The following DOCK1 variants were observed in gnomAD, a reference collection of about 807,000 sequenced individuals.
DOCK1 encodes the protein dedicator of cytokinesis 1.
A neutral mutation model predicts 262.7 loss-of-function variants in DOCK1; 138 were observed. The ratio of observed to expected loss-of-function variants is 0.53; its 90% confidence interval spans 0.46 to 0.61. The LOEUF (loss-of-function observed/expected upper bound fraction) is 0.61, where lower values mean the gene tolerates loss of function less well. Ranked by LOEUF, DOCK1 falls within the 20% of genes least tolerant of loss-of-function variation. The pLI is 0.00. For missense variants in DOCK1, 1,908 were observed against 2,370.7 expected, an observed-to-expected ratio of 0.80 and a Z score of 4.05; for synonymous variants, 866 against 867.4, an observed-to-expected ratio of 1.00 and a Z score of 0.03.
chr10:127,261,637 G>GGGTGTGTGTA, intron 29 of DOCK1, among the ~76,000 whole-genome samples: 1 of 85,604 alleles, frequency 1.2e-5, no homozygotes, highest in Non-Finnish European at 2.4e-5. Context: ...GTGTGCATGT[G>GGGTGTGTGTA]TACCTGCATG....
At chr10:127,411,994 G>A (rs1476272563) in intron 43 of DOCK1, among the ~76,000 whole-genome samples, 3 of 151,012 alleles carry the variant, frequency 2.0e-5, no homozygotes, top group African/African-American at 4.9e-5. Flanking sequence ...ACAGAGCCTC[G>A]CTCTGTCGCC....
intron 29 of DOCK1, among the ~76,000 whole-genome samples, chr10:127,261,220 CATGTGGGTGT>C (rs2060074949): frequency 2.5e-5 from 1 of 39,736 alleles, no homozygotes; most frequent in African/African-American, 9.6e-5. Context: ...CATGTGTGTG[CATGTGGGTGT>C]GCGTGTGTGT....
chr10:127,349,444 C>G (rs964942304), intron 31 of DOCK1, among the ~76,000 whole-genome samples: 1 of 152,178 alleles, frequency 6.6e-6, no homozygotes, highest in African/African-American at 2.4e-5. Flanking sequence ...ATTCCTACCC[C>G]TGCACCCCAG....
intron 1 of DOCK1, among the ~76,000 whole-genome samples, chr10:126,941,552 C>G (rs978424369): frequency 0.011 from 1,659 of 152,234 alleles, 13 homozygotes; most frequent in Non-Finnish European, 0.013. Flanking sequence ...GTCAGGAGAT[C>G]GAGACCATCC....
At chr10:126,956,272 C>T (rs978764693) in intron 1 of DOCK1, among the ~76,000 whole-genome samples, 31 of 152,320 alleles carry the variant, frequency 2.0e-4, no homozygotes, top group Admixed American at 1.2e-3. Context: ...AGCTCTGCCC[C>T]GTTGGGACTT....
chr10:127,236,115 TTTTGA>T (rs1238006803), intron 27 of DOCK1, among the ~76,000 whole-genome samples: 2 of 152,216 alleles, frequency 1.3e-5, no homozygotes, highest in African/African-American at 2.4e-5. Context: ...AAATTTTTAA[TTTTGA>T]TTTAAGTTCA....
At chr10:127,306,480 A>G (rs1370173006) in intron 29 of DOCK1, among the ~76,000 whole-genome samples, 1 of 152,122 alleles carries the variant, frequency 6.6e-6, no homozygotes, top group Non-Finnish European at 1.5e-5. Context: ...TCCTGCATTT[A>G]GGAGCAGTGA....
In DOCK1 at chr10:127,147,541, A is replaced by G. The variant is rs555323035; in HGVS notation, c.2847+19777A>G. 1.4e-4 allele frequency among the ~76,000 whole-genome samples: 22 copies of G among 151,808 alleles called. No individual in the cohort carries two copies. The East Asian group carries it at 4.1e-3, about 28-fold the overall frequency. ...TCTCTCTCGCCAGAGCTCTGTCCTT[A>G]CCCTCATCCCGGGGTCCCAGGGTAA... On this transcript the variant is annotated intron_variant, in intron 27 of 51. Coordinates refer to ENST00000623213, the MANE Select transcript of DOCK1 (RefSeq NM_001290223.2).
intron 35 of DOCK1, among the ~76,000 whole-genome samples, chr10:127,378,483 A>G (rs1565041073): frequency 6.6e-6 from 1 of 152,162 alleles, no homozygotes; most frequent in Non-Finnish European, 1.5e-5. Context: ...TTACGTAAGA[A>G]ACACAAAGGT....
intron 29 of DOCK1, among the ~76,000 whole-genome samples, chr10:127,331,533 T>C (rs982437456): frequency 2.0e-5 from 3 of 152,154 alleles, no homozygotes; most frequent in African/African-American, 7.2e-5. Context: ...CCACCCACCT[T>C]GGCCTCCCAA....
intron 25 of DOCK1, among the ~76,000 whole-genome samples, chr10:127,118,729 C>T (rs1007081114): frequency 5.9e-5 from 9 of 152,216 alleles, no homozygotes; most frequent in African/African-American, 2.2e-4. Context: ...CAGCCCTCTG[C>T]CCAGTGGCCC....
chr10:127,377,882 ACT>A (rs1206039900), intron 35 of DOCK1, among the ~76,000 whole-genome samples: 1 of 129,950 alleles, frequency 7.7e-6, no homozygotes, highest in Non-Finnish European at 1.6e-5. Context: ...ACAGAGGTAG[ACT>A]CTGTCTCAAA....
At chr10:127,062,601 C>T (rs879692981) in intron 23 of DOCK1, among the ~76,000 whole-genome samples, 1 of 152,208 alleles carries the variant, frequency 6.6e-6, no homozygotes, top group Non-Finnish European at 1.5e-5. Flanking sequence ...GGGAAAGGCC[C>T]CGGAGCCTCT....
chr10:126,934,143 T>G (rs1056717272), intron 1 of DOCK1, among the ~76,000 whole-genome samples: 41 of 152,334 alleles, frequency 2.7e-4, no homozygotes, highest in South Asian at 1.2e-3. Flanking sequence ...CTCAGATTTT[T>G]TTTTTTGAGA....
intron 1 of DOCK1, among the ~76,000 whole-genome samples, chr10:126,933,348 A>G (rs956779584): frequency 3.2e-3 from 494 of 152,270 alleles, no homozygotes; most frequent in Non-Finnish European, 5.1e-3. Context: ...GAGAAATGAT[A>G]CTGTCTGTCC....
intron 38 of DOCK1, chr10:127,402,678 C>T (rs369912180): frequency 2.2e-4 from 115 of 523,772 alleles, no homozygotes; most frequent in African/African-American, 1.9e-3. Context: ...AATGGCACCC[C>T]ACAGCCTCTC....
intron 27 of DOCK1, among the ~76,000 whole-genome samples, chr10:127,241,224 C>G (rs1400926860): frequency 2.0e-5 from 3 of 152,156 alleles, no homozygotes; most frequent in African/African-American, 7.2e-5. Flanking sequence ...GAGGCTGAGG[C>G]AGGAGAATCA....
chr10:127,347,593 G>A (rs1161087989), intron 31 of DOCK1, among the ~76,000 whole-genome samples: 1 of 151,934 alleles, frequency 6.6e-6, no homozygotes, highest in Non-Finnish European at 1.5e-5. Flanking sequence ...GGGGTGTGGG[G>A]GCTCGTGGTC....
chr10:126,929,656 G>A (rs1334818417), intron 1 of DOCK1, among the ~76,000 whole-genome samples: 1 of 152,122 alleles, frequency 6.6e-6, no homozygotes, highest in Admixed American at 6.5e-5. Context: ...GGCCAGGAGT[G>A]CTCAGGCCCG....
Sources: gnomAD v4.1 joint callset for allele counts (sites outside exome capture counted in the v4.1 genomes callset) on GRCh38, gnomAD v4.1.1 for gene constraint, MANE v1.5 for transcripts, NCBI Gene and HGNC (gene_info 2026-07-23, HGNC 2026-07-21) for gene names.